The following ATXN7L3 variants were observed in gnomAD, a reference collection of about 807,000 sequenced individuals.
ATXN7L3 encodes ataxin-7-like protein 3.
A neutral mutation model predicts 50.0 loss-of-function variants in ATXN7L3; 6 were observed. That is an observed-to-expected ratio of 0.12 (90% confidence interval 0.07 to 0.24). The LOEUF is 0.24. Among genes scored for constraint, ATXN7L3 ranks in the 10% least tolerant of loss-of-function variants. The pLI is 1.00. For synonymous variants in ATXN7L3, 198 were observed against 165.8 expected (o/e 1.19, Z -1.49); for missense variants, 322 against 451.3 (o/e 0.71, Z 2.60).
chr17:44,194,913 A>G, intron 10 of ATXN7L3, 74 bp from the exon 11 acceptor site: 1 of 1,542,944 alleles, frequency 6.5e-7, no homozygotes, highest in South Asian at 1.1e-5. Context: ...GGCAGGAGCC[A>G]CAGGCACAGA....
Position 44,198,008 on chromosome 17 carries a change from G to T in ATXN7L3, c.51+12C>A. The T allele has an allele frequency of 6.2e-7, 1 of 1,612,792 alleles. No individual in the cohort carries two copies. ...GAGAAAGAACTGGAGGCACACGTGG[G>T]GGAGCCCTCACCTCTAGTTTGCTGT... On this transcript the variant is annotated intron_variant, in intron 2 of 12. Coordinates refer to ENST00000587097, the MANE Select transcript of ATXN7L3 (RefSeq NM_001382309.1).
intron 1 of ATXN7L3, chr17:44,199,023 G>A (rs2056035664): frequency 6.6e-6 from 1 of 152,478 alleles, no homozygotes; most frequent in Admixed American, 6.5e-5. Flanking sequence ...GCCGGGCCTC[G>A]GCTCTTCCCC....
rs767499916 is a variant in ATXN7L3, at chr17:44,194,340, C to T, written c.967G>A (p.Gly323Ser). 1.3e-5 allele frequency: 21 copies of T among 1,614,082 alleles called. No individual in the cohort carries two copies. Among genetic ancestry groups the T allele is most frequent in the East Asian group, 6.7e-5 (3 of 44,890 alleles). ...SHLSLVGTASGLGSNKKKKPK... is the reference protein window; with the variant it reads ...SHLSLVGTASSLGSNKKKKPK... ...TTCTTCTTCTTGTTGGAACCTAGGC[C>T]GGAGGCAGTCCCTACCAGGCTCAGA... Residue 323 changes from glycine to serine, a missense_variant, in exon 13 of 13, where the codon GGC (glycine) becomes AGC (serine). Gly to Ser is a moderately conservative substitution (Grantham distance 56, BLOSUM62 0). Transcript: ENST00000587097.
At position 44,195,837 on chromosome 17, in the gene ATXN7L3, G is replaced by A. The variant is rs1297437047; in HGVS notation, c.524-9C>T. ...CGAATTGCTAAGTTCCCCTGAAGAAGAAAAAAGAAGGGGAAGGGTGTTTGA... is the reference window on the plus strand; with the variant it reads ...CGAATTGCTAAGTTCCCCTGAAGAAAAAAAAAGAAGGGGAAGGGTGTTTGA... On this transcript the variant is annotated splice_polypyrimidine_tract_variant and intron_variant, in intron 7 of 12. Transcript: ENST00000587097. 12 of 1,601,820 alleles carry A rather than the reference G, an allele frequency of 7.5e-6. No homozygotes were observed. The highest frequency in any genetic ancestry group is 1.7e-4 in the Middle Eastern group (1 of 6,012).
chr17:44,197,780 G>C (rs369066528), intron 2 of ATXN7L3, 50 bp from the exon 3 acceptor site: 3 of 1,611,566 alleles, frequency 1.9e-6, no homozygotes, highest in Non-Finnish European at 2.5e-6. Context: ...CAGCCCCCTG[G>C]ACTCTCACCA....
intron 1 of ATXN7L3, chr17:44,198,874 G>A (rs1343454808): frequency 1.3e-5 from 2 of 152,650 alleles, no homozygotes; most frequent in Non-Finnish European, 2.9e-5. Flanking sequence ...CCAAAGTCCA[G>A]GAACCCCCAC....
At chr17:44,197,054 C>A (rs762601701) in intron 4 of ATXN7L3, 28 bp from the exon 5 acceptor site, 2 of 1,579,674 alleles carry the variant, frequency 1.3e-6, no homozygotes, top group Non-Finnish European at 1.7e-6. Context: ...GAGAAAGGGG[C>A]CAAGGGGAAG....
At chr17:44,197,786 CACCA>C in intron 2 of ATXN7L3, 56 bp from the exon 3 acceptor site, 3 of 1,609,214 alleles carry the variant, frequency 1.9e-6, no homozygotes, top group Non-Finnish European at 2.6e-6. Flanking sequence ...CCTGGACTCT[CACCA>C]ACCAAATCTG....
chr17:44,197,761 C>G (rs1179443959), intron 2 of ATXN7L3, 31 bp from the exon 3 acceptor site: 2 of 1,614,084 alleles, frequency 1.2e-6, no homozygotes, highest in Admixed American at 1.7e-5. Context: ...TCTACGGTCA[C>G]AAGAGTCACA....
rs779769260 is a variant in ATXN7L3, at chr17:44,195,526, G to A, written c.553-39C>T. 4.4e-6 allele frequency: 7 copies of A among 1,575,496 alleles called. No homozygotes were observed. The South Asian group carries it at 5.5e-5, about 12-fold the overall frequency. On this transcript the variant is annotated intron_variant, in intron 8 of 12. Coordinates refer to ENST00000587097, the MANE Select transcript of ATXN7L3 (RefSeq NM_001382309.1). ...AGAGGTACAGGTTAGAGATGGGGCA[G>A]AGAAAAGAGAAGGACAGGGGTGGAA... is the stretch of plus-strand genomic sequence containing the variant.
chr17:44,194,676 T>G lies in ATXN7L3; in HGVS notation c.738-2A>C. 6.2e-7 allele frequency: 1 copy of G among 1,613,968 alleles called. No homozygotes were observed. Among genetic ancestry groups the G allele is most frequent in the Non-Finnish European group, 8.5e-7 (1 of 1,179,910 alleles). On this transcript the variant is annotated splice_acceptor_variant, in intron 11 of 12. Coordinates refer to ENST00000587097, the MANE Select transcript of ATXN7L3 (RefSeq NM_001382309.1). LOFTEE classifies it high-confidence loss of function. ...GAGCTCTCGACCTCTGGAAGGACAC[T>G]GGAAAGGGGATGAGCCAAAGAAGGG...
rs1241806133 is a variant in ATXN7L3, at chr17:44,195,793, T to C, written c.552+7A>G. 12 of 1,607,048 alleles carry C rather than the reference T, an allele frequency of 7.5e-6. No individual in the cohort carries two copies. Among genetic ancestry groups the C allele is most frequent in the Non-Finnish European group, 1.0e-5 (12 of 1,174,002 alleles). ...GAGAGCAAGCATGAGGGGCGGCCCA[T>C]ACTCACCTTAAAAGGATCCGAATTG... On this transcript the variant is annotated splice_region_variant and intron_variant, in intron 8 of 12. Transcript: ENST00000587097.
intron 10 of ATXN7L3, 128 bp downstream of exon 10, chr17:44,194,969 G>T: frequency 6.8e-7 from 1 of 1,460,730 alleles, no homozygotes; most frequent in Non-Finnish European, 9.6e-7. Context: ...GTGGCCAAAG[G>T]CCTCATCATT....
At chr17:44,194,924 C>A (rs985715290) in intron 10 of ATXN7L3, 85 bp from the exon 11 acceptor site, 11 of 1,532,548 alleles carry the variant, frequency 7.2e-6, no homozygotes, top group Non-Finnish European at 9.9e-6. Flanking sequence ...CAGGCACAGA[C>A]AGGGAAGGGG....
At position 44,199,547 on chromosome 17, in the gene ATXN7L3, CCGGCGGCGGCGA is replaced by C. The variant is rs897024365; in HGVS notation, c.-124_-113del. 3 of 148,670 alleles carry C rather than the reference CCGGCGGCGGCGA, an allele frequency of 2.0e-5. No individual in the cohort carries two copies. Among genetic ancestry groups the C allele is most frequent in the East Asian group, 2.1e-4 (1 of 4,840 alleles). The allele number at this position is 148,670 out of a possible 1,614,324, so 9.2% of individuals were successfully genotyped here. ...CGGCAGCCTCTCAGGGCCGCGTCCT[CCGGCGGCGGCGA>C]CGGCGGCGGCTGCTCCGGAGCCCCA... On this transcript the variant is annotated 5_prime_UTR_variant, in exon 1 of 13. Transcript: ENST00000587097.
chr17:44,197,902 C>CTATT (rs1341923527), intron 2 of ATXN7L3, 118 bp downstream of exon 2: 1 of 1,512,744 alleles, frequency 6.6e-7, no homozygotes, highest in African/African-American at 1.4e-5. Flanking sequence ...TTTCAGCTGG[C>CTATT]TATTCCCTTT....
Position 44,196,076 on chromosome 17 carries a change from G to A in ATXN7L3, c.481C>T (p.Pro161Ser). 2 of 1,613,376 alleles carry A rather than the reference G, an allele frequency of 1.2e-6. No individual in the cohort carries two copies. The highest frequency in any genetic ancestry group is 1.1e-5 in the South Asian group (1 of 91,060). ...GACTTGGATCTTCGAGGGGAATTGG[G>A]GTTCTGGAATGGGAGATACCATAGC... ...KAKKRKSDKN[P>S]NSPRRSKSLK... The change falls in exon 7 of 13, where the codon CCC becomes TCC. Residue 161 changes from proline to serine, a missense_variant. By Grantham distance (74) the Pro-to-Ser change is moderately conservative. Coordinates refer to ENST00000587097, the MANE Select transcript of ATXN7L3 (RefSeq NM_001382309.1).
chr17:44,194,894 C>A, intron 10 of ATXN7L3, 55 bp from the exon 11 acceptor site: 1 of 1,593,752 alleles, frequency 6.3e-7, no homozygotes, highest in African/African-American at 1.3e-5. Context: ...AAGCCCCTCC[C>A]CTCGGCAAGG....
Position 44,198,086 on chromosome 17 carries a change from G to C in ATXN7L3, c.-16C>G, listed in dbSNP as rs527632818. Reference sequence around the variant, plus strand: ...CCATTTTCATTTGTAAACTCTTGTGGAGACGGCGCTCTGACTGCTCATAGC... The same window carrying C: ...CCATTTTCATTTGTAAACTCTTGTGCAGACGGCGCTCTGACTGCTCATAGC... On this transcript the variant is annotated 5_prime_UTR_variant, in exon 2 of 13. Coordinates refer to ENST00000587097, the MANE Select transcript of ATXN7L3 (RefSeq NM_001382309.1). The C allele has an allele frequency of 3.1e-6, 5 of 1,613,884 alleles. No individual in the cohort carries two copies. Among genetic ancestry groups the C allele is most frequent in the Admixed American group, 3.3e-5 (2 of 59,976 alleles).
Sources: allele counts gnomAD v4.1 joint callset, GRCh38; gene constraint gnomAD v4.1.1; transcripts MANE v1.5; gene names NCBI Gene and HGNC (gene_info 2026-07-23, HGNC 2026-07-21).